RPA3: variants seen among roughly 807,000 people sequenced by gnomAD.
The protein encoded by RPA3 is replication protein A3.
A neutral mutation model predicts 13.7 loss-of-function variants in RPA3; 24 were observed. The observed-to-expected ratio is 1.75, with a 90% CI of 1.27 to 2.46. The LOEUF (loss-of-function observed/expected upper bound fraction) is 2.46, where lower values mean the gene tolerates loss of function less well. Among genes scored for constraint, RPA3 ranks in the 30% most tolerant of loss-of-function variants. The probability of loss-of-function intolerance (pLI) is 0.00; values close to 1 mark genes in which losing one functional copy is unlikely to be tolerated. For synonymous variants in RPA3, 59 were observed against 51.2 expected (o/e 1.15, Z -0.65); for missense variants, 183 against 151.0 (o/e 1.21, Z -1.11).
chr7:7,638,974 A>T, intron 6 of RPA3, 96 bp downstream of exon 6: 2 of 921,868 alleles, frequency 2.2e-6, no homozygotes, highest in Non-Finnish European at 3.2e-6. Context: ...CATCCTTTTT[A>T]AATCCATTGC....
chr7:7,682,769 A>G (rs1053314377), intron 4 of RPA3, among the ~76,000 whole-genome samples: 5 of 152,214 alleles, frequency 3.3e-5, no homozygotes, highest in Admixed American at 1.3e-4. Flanking sequence ...CTCGATTTAC[A>G]TTTAATTTAC....
chr7:7,651,051 G>A lies in RPA3; in HGVS notation c.-757-9876C>T, dbSNP rs559279143. On this transcript the variant is annotated intron_variant, in intron 4 of 7. Transcript: ENST00000223129. ...TTTGAGCAACCCCTCTGTAGCCAAAGAGAAAGCCCAAAGCAATACCAGAGC... is the reference window on the plus strand; with the variant it reads ...TTTGAGCAACCCCTCTGTAGCCAAAAAGAAAGCCCAAAGCAATACCAGAGC... 5.3e-5 allele frequency among the ~76,000 whole-genome samples: 8 copies of A among 152,256 alleles called. No homozygotes were observed. In the South Asian group the frequency reaches 6.2e-4, roughly 12 times the overall value.
intron 4 of RPA3, among the ~76,000 whole-genome samples, chr7:7,654,666 C>T (rs1785299893): frequency 6.6e-6 from 1 of 152,026 alleles, no homozygotes; most frequent in African/African-American, 2.4e-5. Flanking sequence ...ACTTTGGGAG[C>T]ACAAGGTGGG....
At chr7:7,678,460 A>AAT (rs545168491) in intron 4 of RPA3, among the ~76,000 whole-genome samples, 4 of 142,298 alleles carry the variant, frequency 2.8e-5, no homozygotes, top group East Asian at 2.0e-4. Flanking sequence ...TTATATAATA[A>AAT]ATATATATTT....
chr7:7,676,405 A>G (rs1779740193), intron 4 of RPA3, among the ~76,000 whole-genome samples: 1 of 152,222 alleles, frequency 6.6e-6, no homozygotes, highest in African/African-American at 2.4e-5. Flanking sequence ...TCCAGTTAGT[A>G]TGTAGCAGAT....
At chr7:7,712,642 C>T (rs1292547063) in intron 2 of RPA3, among the ~76,000 whole-genome samples, 1 of 152,088 alleles carries the variant, frequency 6.6e-6, no homozygotes, top group Non-Finnish European at 1.5e-5. Context: ...AGTTTTGTTT[C>T]ATTCAAATCC....
intron 2 of RPA3, among the ~76,000 whole-genome samples, chr7:7,713,795 GT>G (rs1780824831): frequency 6.6e-6 from 1 of 151,774 alleles, no homozygotes; most frequent in African/African-American, 2.4e-5. Flanking sequence ...ATTTCCATTC[GT>G]TTGTCATTTT....
At chr7:7,709,071 A>C (rs936406763) in intron 2 of RPA3, among the ~76,000 whole-genome samples, 1 of 152,162 alleles carries the variant, frequency 6.6e-6, no homozygotes, top group Non-Finnish European at 1.5e-5. Context: ...ACTTAATAAC[A>C]CATCTTTCAG....
chr7:7,653,003 G>C (rs910268499), intron 4 of RPA3, among the ~76,000 whole-genome samples: 2 of 152,196 alleles, frequency 1.3e-5, no homozygotes, highest in African/African-American at 4.8e-5. Context: ...GCTCCCCAGT[G>C]CTCTAGAGAG....
intron 4 of RPA3, among the ~76,000 whole-genome samples, chr7:7,647,016 A>G (rs1036174392): frequency 6.6e-6 from 1 of 152,216 alleles, no homozygotes; most frequent in Non-Finnish European, 1.5e-5. Context: ...CGTATCAGTT[A>G]CACTAGTTTT....
rs189960134 is a variant in RPA3 at position 7,669,003 on chromosome 7, C to T, written c.-758+16827G>A. Among the ~76,000 whole-genome samples the T allele has an allele frequency of 6.5e-4, 99 of 152,022 alleles. 1 individual carries two copies. The highest frequency in any genetic ancestry group is 2.3e-3 in the African/African-American group (97 of 41,482). On this transcript the variant is annotated intron_variant, in intron 4 of 7. Transcript: ENST00000223129. ...TGGGATGTGGGAAGAAACTGGAGTA[C>T]TGGGGAGAAAACCCACACAGACGTA...
intron 2 of RPA3, among the ~76,000 whole-genome samples, chr7:7,712,486 A>G (rs1408108836): frequency 6.6e-6 from 1 of 152,046 alleles, no homozygotes; most frequent in East Asian, 1.9e-4. Flanking sequence ...AATATTTTTA[A>G]AGTTGTATTT....
At chr7:7,664,685 C>T (rs989286121) in intron 4 of RPA3, among the ~76,000 whole-genome samples, 2 of 152,206 alleles carry the variant, frequency 1.3e-5, no homozygotes, top group Admixed American at 6.5e-5. Context: ...GCTACCTAGT[C>T]TGCGCAGCCT....
Position 7,636,820 on chromosome 7 carries a change from T to C in RPA3, c.*180A>G, listed in dbSNP as rs1301276010. ...CATATATTGGAGTAGCAATTCTTTA[T>C]AAAAGGACTTCGGTGAGAACTGTCA... On this transcript the variant is annotated 3_prime_UTR_variant, in exon 8 of 8. Coordinates refer to ENST00000223129, the MANE Select transcript of RPA3 (RefSeq NM_002947.5). 3.6e-6 allele frequency: 2 copies of C among 559,580 alleles called. No individual in the cohort carries two copies. The highest frequency in any genetic ancestry group is 3.1e-5 in the East Asian group (1 of 31,894). The allele number at this position is 559,580 out of a possible 1,614,324, so 34.7% of individuals were successfully genotyped here.
chr7:7,693,817 AT>A (rs1320682002), intron 2 of RPA3, among the ~76,000 whole-genome samples: 3 of 152,178 alleles, frequency 2.0e-5, no homozygotes, highest in Non-Finnish European at 2.9e-5. Context: ...CTCTAATCAT[AT>A]TAACACTACT....
At chr7:7,706,295 A>C (rs1780597570) in intron 2 of RPA3, among the ~76,000 whole-genome samples, 1 of 152,164 alleles carries the variant, frequency 6.6e-6, no homozygotes, top group Admixed American at 6.6e-5. Context: ...GATTTTGGGA[A>C]AATCTAGAAG....
chr7:7,639,965 G>C (rs1563072299), intron 5 of RPA3: 1 of 273,920 alleles, frequency 3.7e-6, no homozygotes, highest in Non-Finnish European at 7.0e-6. Flanking sequence ...AGAAGAGAAG[G>C]AAACCAGCAG....
intron 7 of RPA3, 78 bp from the exon 8 acceptor site, chr7:7,637,160 C>T: frequency 9.4e-7 from 1 of 1,065,248 alleles, no homozygotes. Context: ...ATATTTTTAC[C>T]TATTTCCTTT....
Position 7,639,153 on chromosome 7 carries a change from G to GA in RPA3, c.100-10dup. ...TTTCCGGTGGGATGAATCTAAAAAC[G>GA]AAACATATAATTAAAATCTCACTAA... On this transcript the variant is annotated splice_polypyrimidine_tract_variant and intron_variant, in intron 5 of 7. Transcript: ENST00000223129. The GA allele has an allele frequency of 1.2e-6, 2 of 1,601,924 alleles. No individual in the cohort carries two copies. The highest frequency in any genetic ancestry group is 8.5e-7 in the Non-Finnish European group (1 of 1,173,342).
Sources: allele counts gnomAD v4.1 joint callset (sites outside exome capture counted in the v4.1 genomes callset), GRCh38; gene constraint gnomAD v4.1.1; transcripts MANE v1.5; gene names NCBI Gene and HGNC (gene_info 2026-07-23, HGNC 2026-07-21).